SOX5: variants seen among roughly 807,000 people sequenced by gnomAD.
SOX5 encodes transcription factor SOX-5.
SOX5 carries 9 observed loss-of-function variants against 92.0 expected under a neutral mutation model. That is an observed-to-expected ratio of 0.10 (90% confidence interval 0.06 to 0.17). The LOEUF (loss-of-function observed/expected upper bound fraction) is 0.17, where lower values mean the gene tolerates loss of function less well. Among genes scored for constraint, SOX5 ranks in the 10% least tolerant of loss-of-function variants. The pLI is 1.00. For synonymous variants in SOX5, 344 were observed against 336.3 expected (o/e 1.02, Z -0.25); for missense variants, 642 against 944.5 (o/e 0.68, Z 4.20).
At chr12:23,724,226 C>T (rs1316951815) in intron 6 of SOX5, among the ~76,000 whole-genome samples, 1 of 152,096 alleles carries the variant, frequency 6.6e-6, no homozygotes, top group African/African-American at 2.4e-5. Context: ...GGGAGGAAGA[C>T]ACCCCTTCAG....
At chr12:23,577,191 A>ATTTT (rs1175798388) in intron 9 of SOX5, among the ~76,000 whole-genome samples, 57 of 61,358 alleles carry the variant, frequency 9.3e-4, no homozygotes, top group Admixed American at 1.5e-3. Context: ...ATATATATAT[A>ATTTT]TTTTTTTTTT....
At chr12:23,674,734 T>C (rs2085384291) in intron 6 of SOX5, among the ~76,000 whole-genome samples, 1 of 152,050 alleles carries the variant, frequency 6.6e-6, no homozygotes, top group African/African-American at 2.4e-5. Flanking sequence ...TTCATCTTTA[T>C]ATTGTGTCTT....
In SOX5 at chr12:24,554,537, T is replaced by C. The variant is rs567318694; in HGVS notation, c.-251+7792A>G. The stretch of plus-strand genomic sequence containing the variant: ...CTTGTCTGAGGAATGTGTCAAAAAT[T>C]AGCTCTCTTTTCCTGCCTCCCATCC... On this transcript the variant is annotated intron_variant, in intron 1 of 4. Transcript: ENST00000446891. Among the ~76,000 whole-genome samples, 10 of 152,176 alleles carry C rather than the reference T, an allele frequency of 6.6e-5. 1 individual carries two copies. In the South Asian group the frequency reaches 1.9e-3, roughly 28 times the overall value.
At chr12:24,135,869 T>A (rs1950063878) in intron 4 of SOX5, among the ~76,000 whole-genome samples, 1 of 152,176 alleles carries the variant, frequency 6.6e-6, no homozygotes, top group African/African-American at 2.4e-5. Flanking sequence ...ACACAAAGAA[T>A]GCACTTGAAA....
At chr12:24,042,918 C>T (rs550533382) in intron 4 of SOX5, among the ~76,000 whole-genome samples, 1 of 152,162 alleles carries the variant, frequency 6.6e-6, no homozygotes, top group African/African-American at 2.4e-5. Context: ...GCACACAGAA[C>T]CTTCAGCAAA....
chr12:23,787,693 C>T (rs2095405517), intron 3 of SOX5, among the ~76,000 whole-genome samples: 1 of 151,902 alleles, frequency 6.6e-6, no homozygotes, highest in East Asian at 1.9e-4. Context: ...CTAGTCTATT[C>T]TGGAAACAAA....
At chr12:24,260,458 A>C (rs1941922074) in intron 3 of SOX5, among the ~76,000 whole-genome samples, 1 of 152,220 alleles carries the variant, frequency 6.6e-6, no homozygotes, top group African/African-American at 2.4e-5. Flanking sequence ...GCATGTAATA[A>C]ATGTTAGCCA....
intron 4 of SOX5, among the ~76,000 whole-genome samples, chr12:24,043,481 A>T (rs1039799996): frequency 1.5e-4 from 23 of 152,328 alleles, no homozygotes; most frequent in Admixed American, 1.4e-3. Flanking sequence ...ACGCTTTCTA[A>T]TTCAAAATAA....
chr12:24,309,175 G>A (rs1948923941), intron 2 of SOX5, among the ~76,000 whole-genome samples: 1 of 152,112 alleles, frequency 6.6e-6, no homozygotes, highest in Non-Finnish European at 1.5e-5. Flanking sequence ...CTTCCTTGGG[G>A]AGCCTCCATC....
At chr12:23,760,843 C>T (rs535883262) in intron 3 of SOX5, among the ~76,000 whole-genome samples, 63 of 152,274 alleles carry the variant, frequency 4.1e-4, no homozygotes, top group African/African-American at 1.3e-3. Flanking sequence ...TAGCTTTACA[C>T]ACAAGCTCAG....
At chr12:24,233,572 A>C (rs566577676) in intron 3 of SOX5, among the ~76,000 whole-genome samples, 1 of 152,348 alleles carries the variant, frequency 6.6e-6, no homozygotes, top group Non-Finnish European at 1.5e-5. Flanking sequence ...TGTGTAAGCG[A>C]ACTTTAAGTT....
intron 4 of SOX5, among the ~76,000 whole-genome samples, chr12:24,011,777 GTTTA>G (rs148961571): frequency 0.016 from 2,446 of 152,188 alleles, 56 homozygotes; most frequent in African/African-American, 0.056. Flanking sequence ...CCCTATTGCA[GTTTA>G]TTTATTATCT....
At chr12:23,814,804 G>A (rs542356475) in intron 3 of SOX5, among the ~76,000 whole-genome samples, 1 of 152,100 alleles carries the variant, frequency 6.6e-6, no homozygotes, top group Non-Finnish European at 1.5e-5. Context: ...TATAGGAAAA[G>A]GTAGAAAAAA....
intron 8 of SOX5, among the ~76,000 whole-genome samples, chr12:23,612,178 G>A (rs1322076282): frequency 3.3e-5 from 5 of 151,688 alleles, no homozygotes; most frequent in African/African-American, 1.2e-4. Context: ...AGAAAGGAGA[G>A]GTATGCCATA....
At chr12:24,441,596 A>G (rs938478068) in intron 1 of SOX5, among the ~76,000 whole-genome samples, 8 of 152,188 alleles carry the variant, frequency 5.3e-5, no homozygotes, top group Non-Finnish European at 1.0e-4. Flanking sequence ...GCGGCATGCT[A>G]CAGACACAAG....
At chr12:23,773,863 G>T (rs2095018136) in intron 3 of SOX5, among the ~76,000 whole-genome samples, 1 of 152,132 alleles carries the variant, frequency 6.6e-6, no homozygotes, top group South Asian at 2.1e-4. Context: ...ACATTTGCAG[G>T]TTGCTAAATA....
At chr12:24,116,878 A>G (rs1948063368) in intron 4 of SOX5, among the ~76,000 whole-genome samples, 1 of 151,964 alleles carries the variant, frequency 6.6e-6, no homozygotes, top group Non-Finnish European at 1.5e-5. Flanking sequence ...AATGCGATAC[A>G]TATGTGTATA....
At chr12:24,127,329 A>T (rs1272934226) in intron 4 of SOX5, among the ~76,000 whole-genome samples, 1 of 151,332 alleles carries the variant, frequency 6.6e-6, no homozygotes, top group African/African-American at 2.4e-5. Flanking sequence ...AGGTGGGTTC[A>T]GCTGTGAGCT....
intron 3 of SOX5, among the ~76,000 whole-genome samples, chr12:23,825,435 C>A (rs754038022): frequency 6.6e-6 from 1 of 152,214 alleles, no homozygotes; most frequent in Non-Finnish European, 1.5e-5. Context: ...TGAGATGAAC[C>A]GGGTACCTCA....
Sources: gnomAD v4.1 joint callset for allele counts (sites outside exome capture counted in the v4.1 genomes callset) on GRCh38, gnomAD v4.1.1 for gene constraint, MANE v1.5 for transcripts, NCBI Gene and HGNC (gene_info 2026-07-23, HGNC 2026-07-21) for gene names.